Variants in ANKFN1 observed in about 807,000 individuals in gnomAD.
The protein encoded by ANKFN1 is ankyrin repeat and fibronectin type III domain containing 1.
Under a neutral mutation model 108.7 loss-of-function variants are expected in ANKFN1, and 74 were observed. The observed-to-expected ratio is 0.68, with a 90% CI of 0.56 to 0.83. The LOEUF (loss-of-function observed/expected upper bound fraction) is 0.83. Ranked by LOEUF, ANKFN1 falls within the 40% of genes least tolerant of loss-of-function variation. The pLI, the probability that ANKFN1 is intolerant of heterozygous loss-of-function variation, is 0.00. For synonymous variants in ANKFN1, 547 were observed against 516.2 expected (o/e 1.06, Z -0.81); for missense variants, 1,505 against 1,382.3 (o/e 1.09, Z -1.41).
chr17:56,221,741 G>A (rs1482931053), intron 2 of ANKFN1, among the ~76,000 whole-genome samples: 3 of 152,174 alleles, frequency 2.0e-5, no homozygotes, highest in African/African-American at 4.8e-5. Context: ...GCTGAAGCTC[G>A]GCCTACATTT....
chr17:56,201,739 G>A (rs1049561923), intron 1 of ANKFN1, among the ~76,000 whole-genome samples: 6 of 152,008 alleles, frequency 3.9e-5, no homozygotes, highest in Admixed American at 1.3e-4. Context: ...GTGACTTAAT[G>A]TTTTATTCAT....
At chr17:56,123,359 G>A (rs1386768078) in intron 4 of ANKFN1, among the ~76,000 whole-genome samples, 1 of 152,184 alleles carries the variant, frequency 6.6e-6, no homozygotes, top group African/African-American at 2.4e-5. Context: ...CACAGTATGG[G>A]AGTTTAATGG....
chr17:56,223,135 A>C (rs929244763), intron 2 of ANKFN1, among the ~76,000 whole-genome samples: 1 of 152,214 alleles, frequency 6.6e-6, no homozygotes, highest in Non-Finnish European at 1.5e-5. Flanking sequence ...TGTTTTTGTT[A>C]TAAAAATTTT....
At chr17:56,473,955 T>C (rs2050413267) in intron 15 of ANKFN1, among the ~76,000 whole-genome samples, 1 of 152,194 alleles carries the variant, frequency 6.6e-6, no homozygotes, top group Admixed American at 6.5e-5. Flanking sequence ...TACTCTTACC[T>C]ATCCTATATT....
chr17:56,184,086 A>T (rs1230640726), intron 1 of ANKFN1, among the ~76,000 whole-genome samples: 3 of 152,234 alleles, frequency 2.0e-5, no homozygotes, highest in African/African-American at 7.2e-5. Context: ...CTTACTTGAG[A>T]AAGCAGTGGC....
chr17:56,309,870 C>T (rs1280893747), intron 3 of ANKFN1, among the ~76,000 whole-genome samples: 1 of 152,184 alleles, frequency 6.6e-6, no homozygotes, highest in Non-Finnish European at 1.5e-5. Context: ...GCACTCTCTT[C>T]ACCTTTCTTC....
At chr17:56,342,609 A>T (rs1013233896) in intron 4 of ANKFN1, among the ~76,000 whole-genome samples, 5 of 152,072 alleles carry the variant, frequency 3.3e-5, no homozygotes, top group African/African-American at 1.2e-4. Flanking sequence ...TATGGTTTTG[A>T]GTGAATCTCT....
At chr17:56,102,732 C>A (rs1421424250) in intron 4 of ANKFN1, among the ~76,000 whole-genome samples, 1 of 152,002 alleles carries the variant, frequency 6.6e-6, no homozygotes, top group Non-Finnish European at 1.5e-5. Flanking sequence ...GAATTAATAA[C>A]ACTATTCCTA....
intron 4 of ANKFN1, among the ~76,000 whole-genome samples, chr17:56,344,331 T>C (rs1381790679): frequency 6.6e-6 from 1 of 152,064 alleles, no homozygotes; most frequent in Admixed American, 6.6e-5. Flanking sequence ...GAGTTAATGA[T>C]TGAACAGAGA....
At chr17:56,420,148 G>A (rs2048357330) in intron 8 of ANKFN1, among the ~76,000 whole-genome samples, 1 of 152,112 alleles carries the variant, frequency 6.6e-6, no homozygotes, top group African/African-American at 2.4e-5. Flanking sequence ...CCAACATCTA[G>A]ACTGAATAAG....
chr17:56,052,741 C>A (rs73323669), intron 4 of ANKFN1, among the ~76,000 whole-genome samples: 1 of 151,942 alleles, frequency 6.6e-6, no homozygotes, highest in South Asian at 2.1e-4. Context: ...CTCAACAACC[C>A]TATGTGGTGT....
At chr17:56,115,314 T>C (rs1906197551) in intron 4 of ANKFN1, among the ~76,000 whole-genome samples, 4 of 152,142 alleles carry the variant, frequency 2.6e-5, no homozygotes, top group Admixed American at 2.6e-4. Flanking sequence ...ATCCATGAAA[T>C]GGGATAGTAA....
chr17:56,279,001 T>C (rs945087305), intron 3 of ANKFN1, among the ~76,000 whole-genome samples: 46 of 152,370 alleles, frequency 3.0e-4, no homozygotes, highest in Admixed American at 9.8e-4. Flanking sequence ...GTGAGACTTT[T>C]GCTGGAAGCA....
At position 56,406,256 on chromosome 17, in the gene ANKFN1, G is replaced by A. The variant is rs112836131; in HGVS notation, c.910+31542G>A. ...AAGTATGCCTGAAAGAAGGGATAGC[G>A]AGAACAAAGTTTTCTGTAAATTTCC... On this transcript the variant is annotated intron_variant, in intron 8 of 20. Transcript: ENST00000682825. Among the ~76,000 whole-genome samples the A allele has an allele frequency of 5.7e-3, 872 of 152,288 alleles. 6 individuals carry two copies. The highest frequency in any genetic ancestry group is 0.019 in the African/African-American group (774 of 41,566).
intron 1 of ANKFN1, 82 bp downstream of exon 1, chr17:56,153,612 T>G: frequency 6.4e-7 from 1 of 1,562,842 alleles, no homozygotes. Flanking sequence ...AAAATGTGAG[T>G]TGAGTGGGCG....
At chr17:56,367,165 G>A (rs908279559) in intron 6 of ANKFN1, among the ~76,000 whole-genome samples, 6 of 152,134 alleles carry the variant, frequency 3.9e-5, no homozygotes, top group Non-Finnish European at 5.9e-5. Context: ...AAATGTGTCC[G>A]TCTTTTTCAA....
At chr17:56,065,998 C>A (rs374687934) in intron 4 of ANKFN1, among the ~76,000 whole-genome samples, 1 of 152,154 alleles carries the variant, frequency 6.6e-6, no homozygotes, top group Non-Finnish European at 1.5e-5. Flanking sequence ...ATTAGGTATG[C>A]CTATGCCTAT....
intron 20 of ANKFN1, among the ~76,000 whole-genome samples, chr17:56,506,275 T>C (rs979717294): frequency 3.3e-5 from 5 of 150,404 alleles, no homozygotes; most frequent in Admixed American, 1.3e-4. Flanking sequence ...GTGACATTAT[T>C]TGAAAAAAGG....
At position 56,477,584 on chromosome 17, in the gene ANKFN1, GTTC is replaced by G. The variant is rs1242378545; in HGVS notation, c.1873_1875del (p.Leu625del). 6.2e-7 allele frequency: 1 copy of G among 1,612,994 alleles called. No individual in the cohort carries two copies. On this transcript the variant is annotated inframe_deletion, in exon 16 of 21. Transcript: ENST00000682825. ...CTGTAGCTCTGTGGATCAAATCAAAGTTCTTGTTACCCAAAAGTTGCCCAACAT... is the reference window on the plus strand; with the variant it reads ...CTGTAGCTCTGTGGATCAAATCAAAGTTGTTACCCAAAAGTTGCCCAACAT...
Sources: gnomAD v4.1 joint callset for allele counts (sites outside exome capture counted in the v4.1 genomes callset) on GRCh38, gnomAD v4.1.1 for gene constraint, MANE v1.5 for transcripts, NCBI Gene and HGNC (gene_info 2026-07-23, HGNC 2026-07-21) for gene names.